Variants in CCDC148 observed in about 807,000 individuals in gnomAD.
CCDC148 encodes coiled-coil domain-containing protein 148.
A neutral mutation model predicts 85.7 loss-of-function variants in CCDC148; 89 were observed. That is an observed-to-expected ratio of 1.04 (90% CI 0.87 to 1.24). The LOEUF (loss-of-function observed/expected upper bound fraction) is 1.24, where lower values mean the gene tolerates loss of function less well. Among genes scored for constraint, CCDC148 ranks in the 50% most tolerant of loss-of-function variants. The probability of loss-of-function intolerance (pLI) is 0.00; values close to 1 mark genes in which losing one functional copy is unlikely to be tolerated. For missense variants in CCDC148, 692 were observed against 671.7 expected, an observed-to-expected ratio of 1.03 and a Z score of -0.33; for synonymous variants, 230 against 213.9, an observed-to-expected ratio of 1.08 and a Z score of -0.66.
intron 13 of CCDC148, 151 bp downstream of exon 13, chr2:158,176,370 T>C (rs766748509): frequency 2.3e-5 from 15 of 655,332 alleles, no homozygotes; most frequent in Non-Finnish European, 3.6e-5. Flanking sequence ...TATGTAGTAA[T>C]TATGTACTAT....
intron 9 of CCDC148, among the ~76,000 whole-genome samples, chr2:158,252,173 T>G (rs979358376): frequency 2.0e-5 from 3 of 151,812 alleles, no homozygotes; most frequent in African/African-American, 7.2e-5. Flanking sequence ...TGATGAAAAT[T>G]AAATAAATAA....
intron 2 of CCDC148, among the ~76,000 whole-genome samples, chr2:158,354,645 AG>A (rs1250729155): frequency 6.6e-6 from 1 of 152,148 alleles, no homozygotes; most frequent in Non-Finnish European, 1.5e-5. Flanking sequence ...ATTCTACCAG[AG>A]GTACAAGGAG....
At chr2:158,371,703 G>T (rs868239252) in intron 1 of CCDC148, among the ~76,000 whole-genome samples, 14 of 144,220 alleles carry the variant, frequency 9.7e-5, no homozygotes, top group South Asian at 2.1e-4. Context: ...TGCCTTTAAT[G>T]ACTGAAAATG....
At chr2:158,312,578 C>CAAAAAAAAAAAAAAAAAAAACAAAAAAA (rs61545122) in intron 8 of CCDC148, among the ~76,000 whole-genome samples, 1 of 76,118 alleles carries the variant, frequency 1.3e-5, no homozygotes. Flanking sequence ...GAATCCATCT[C>CAAAAAAAAAAAAAAAAAAAACAAAAAAA]AAAAAAAAAA....
chr2:158,249,062 C>A lies in CCDC148; in HGVS notation c.1251+1710G>T, dbSNP rs370283838. Among the ~76,000 whole-genome samples the A allele has an allele frequency of 1.7e-4, 26 of 152,202 alleles. No individual in the cohort carries two copies. The East Asian group carries it at 4.7e-3, about 27-fold the overall frequency. ...TGTCCCTCCATCCTCTCCTGTGTAGCCATGCCAGTTCCTCAACCCAAACTT... is the reference window on the plus strand; with the variant it reads ...TGTCCCTCCATCCTCTCCTGTGTAGACATGCCAGTTCCTCAACCCAAACTT... On this transcript the variant is annotated intron_variant, in intron 10 of 13. Transcript: ENST00000283233.
chr2:158,435,851 G>A (rs974433323), intron 1 of CCDC148, among the ~76,000 whole-genome samples: 5 of 151,994 alleles, frequency 3.3e-5, no homozygotes, highest in Admixed American at 6.6e-5. Context: ...AACAGACTTT[G>A]AACCGACAAA....
Position 158,176,662 on chromosome 2 carries a change from C to G in CCDC148, c.1489-1G>C, listed in dbSNP as rs775826353. 4.3e-6 allele frequency: 7 copies of G among 1,611,164 alleles called. No individual in the cohort carries two copies. Among genetic ancestry groups the G allele is most frequent in the Non-Finnish European group, 5.9e-6 (7 of 1,178,630 alleles). On this transcript the variant is annotated splice_acceptor_variant, in intron 12 of 13. Transcript: ENST00000283233. LOFTEE classifies it high-confidence loss of function. The stretch of plus-strand genomic sequence containing the variant: ...GATCAAATTGAGCAACAACAGCAAC[C>G]TAAAAATGAGAAAGCATGGCTACTT...
intron 9 of CCDC148, among the ~76,000 whole-genome samples, chr2:158,278,963 T>G (rs1317194638): frequency 6.6e-6 from 1 of 152,144 alleles, no homozygotes; most frequent in Non-Finnish European, 1.5e-5. Context: ...GCAGCATTCA[T>G]GGCTCACGAA....
intron 11 of CCDC148, among the ~76,000 whole-genome samples, chr2:158,213,729 A>G (rs1574414127): frequency 6.6e-6 from 1 of 152,070 alleles, no homozygotes; most frequent in East Asian, 1.9e-4. Flanking sequence ...TGTGTGTAGA[A>G]TCTTTCACTA....
intron 2 of CCDC148, among the ~76,000 whole-genome samples, chr2:158,355,072 C>T (rs1267585450): frequency 3.6e-4 from 55 of 151,540 alleles, no homozygotes; most frequent in African/African-American, 9.7e-4. Flanking sequence ...ATTGATGGGA[C>T]GTATTTCAAA....
At chr2:158,180,533 CAG>C (rs1684847357) in intron 11 of CCDC148, among the ~76,000 whole-genome samples, 1 of 152,068 alleles carries the variant, frequency 6.6e-6, no homozygotes, top group Non-Finnish European at 1.5e-5. Flanking sequence ...GGATTCCAGG[CAG>C]AGACAGCAAG....
At chr2:158,282,847 C>G (rs1320716516) in intron 9 of CCDC148, among the ~76,000 whole-genome samples, 2 of 152,180 alleles carry the variant, frequency 1.3e-5, no homozygotes, top group African/African-American at 2.4e-5. Context: ...AAGAACAAAG[C>G]TGGAGGCGTC....
chr2:158,429,860 TTC>T (rs1328207677), intron 1 of CCDC148, among the ~76,000 whole-genome samples: 2 of 152,170 alleles, frequency 1.3e-5, no homozygotes, highest in African/African-American at 4.8e-5. Flanking sequence ...TGCCATGGCT[TTC>T]TGACTGGAGG....
At chr2:158,418,661 G>GT (rs57133383) in intron 1 of CCDC148, among the ~76,000 whole-genome samples, 15 of 151,220 alleles carry the variant, frequency 9.9e-5, no homozygotes, top group African/African-American at 3.2e-4. Flanking sequence ...ATCCCCAACT[G>GT]TTTTTTTTTC....
At chr2:158,351,589 T>C (rs1683293878) in intron 2 of CCDC148, among the ~76,000 whole-genome samples, 1 of 151,268 alleles carries the variant, frequency 6.6e-6, no homozygotes, top group Non-Finnish European at 1.5e-5. Context: ...CCACGGAGTC[T>C]TGCTGATTGC....
chr2:158,258,811 A>G (rs1253692570), intron 9 of CCDC148, among the ~76,000 whole-genome samples: 1 of 151,764 alleles, frequency 6.6e-6, no homozygotes, highest in African/African-American at 2.4e-5. Flanking sequence ...TTTACTGAAT[A>G]TTTTCAAAAC....
intron 7 of CCDC148, among the ~76,000 whole-genome samples, chr2:158,318,606 T>C (rs1692387888): frequency 6.7e-6 from 1 of 149,118 alleles, no homozygotes; most frequent in African/African-American, 2.6e-5. Context: ...GAAGTTTACA[T>C]AGAAAGCTCA....
chr2:158,273,717 G>A (rs1372509604), intron 9 of CCDC148, among the ~76,000 whole-genome samples: 8 of 152,112 alleles, frequency 5.3e-5, no homozygotes, highest in Non-Finnish European at 2.9e-5. Flanking sequence ...CTTATTACTT[G>A]CTGATTTGAT....
At chr2:158,280,701 A>G (rs888815268) in intron 9 of CCDC148, among the ~76,000 whole-genome samples, 1 of 152,192 alleles carries the variant, frequency 6.6e-6, no homozygotes, top group Non-Finnish European at 1.5e-5. Context: ...CCCCACTGTC[A>G]ACATTAGACA....
Sources: gnomAD v4.1 joint callset for allele counts (sites outside exome capture counted in the v4.1 genomes callset) on GRCh38, gnomAD v4.1.1 for gene constraint, MANE v1.5 for transcripts, NCBI Gene and HGNC (gene_info 2026-07-23, HGNC 2026-07-21) for gene names.